The following TTC27 variants were observed in gnomAD, a reference collection of about 807,000 sequenced individuals.
TTC27 encodes tetratricopeptide repeat domain 27.
Under a neutral mutation model 115.9 loss-of-function variants are expected in TTC27, and 79 were observed. The observed-to-expected ratio is 0.68, with a 90% CI of 0.57 to 0.82. The LOEUF is 0.82. Ranked by LOEUF, TTC27 falls within the 40% of genes least tolerant of loss-of-function variation. The pLI is 0.00. For synonymous variants in TTC27, 401 were observed against 356.0 expected, an observed-to-expected ratio of 1.13 and a Z score of -1.42; for missense variants, 1,054 against 993.1, an observed-to-expected ratio of 1.06 and a Z score of -0.82.
chr2:32,638,303 C>T (rs536599236), intron 3 of TTC27, among the ~76,000 whole-genome samples: 2 of 152,234 alleles, frequency 1.3e-5, no homozygotes, highest in African/African-American at 4.8e-5. Flanking sequence ...CTTTATTCCT[C>T]TATTACACTC....
chr2:32,634,306 T>G (rs1304666066), intron 3 of TTC27, among the ~76,000 whole-genome samples: 1 of 152,068 alleles, frequency 6.6e-6, no homozygotes, highest in African/African-American at 2.4e-5. Context: ...AAAGATTTTT[T>G]TTTTTTGAGA....
At chr2:32,647,762 C>T (rs1176117739) in intron 4 of TTC27, among the ~76,000 whole-genome samples, 2 of 152,220 alleles carry the variant, frequency 1.3e-5, no homozygotes, top group Admixed American at 1.3e-4. Flanking sequence ...GGCTTGAGTC[C>T]AGGAGTTCAA....
intron 5 of TTC27, among the ~76,000 whole-genome samples, chr2:32,653,220 A>C (rs1665194394): frequency 6.6e-6 from 1 of 152,186 alleles, no homozygotes; most frequent in South Asian, 2.1e-4. Flanking sequence ...ACTGGGTTAA[A>C]ATACTTTGTC....
At position 32,716,453 on chromosome 2, in the gene TTC27, TC is replaced by T. The variant is rs1388097022; in HGVS notation, c.1233+13534del. 2.6e-5 allele frequency among the ~76,000 whole-genome samples: 4 copies of T among 152,240 alleles called. No individual in the cohort carries two copies. The East Asian group carries it at 7.7e-4, about 29-fold the overall frequency. ...AATTCTGAGTTCATTTTTAGCTATTTCTTTTTTAGTTGTTATTCTAGTGGTT... is the reference window on the plus strand; with the variant it reads ...AATTCTGAGTTCATTTTTAGCTATTTTTTTTTAGTTGTTATTCTAGTGGTT... On this transcript the variant is annotated intron_variant, in intron 10 of 19. Transcript: ENST00000317907.
chr2:32,646,590 C>T (rs1171342590), intron 4 of TTC27, among the ~76,000 whole-genome samples: 1 of 125,314 alleles, frequency 8.0e-6, no homozygotes, highest in African/African-American at 2.9e-5. Flanking sequence ...GACCGACTCT[C>T]ACTCTGTCTG....
intron 16 of TTC27, among the ~76,000 whole-genome samples, chr2:32,794,969 C>A (rs553418702): frequency 6.6e-6 from 1 of 151,900 alleles, no homozygotes; most frequent in African/African-American, 2.4e-5. Flanking sequence ...AAAGAAAAGC[C>A]GTGGACCTGA....
At chr2:32,669,521 A>G (rs1010115816) in intron 7 of TTC27, among the ~76,000 whole-genome samples, 3 of 152,178 alleles carry the variant, frequency 2.0e-5, no homozygotes, top group Non-Finnish European at 4.4e-5. Context: ...TTTAATAACC[A>G]TTTTTCAGGA....
At chr2:32,645,592 A>G (rs1664821392) in intron 4 of TTC27, among the ~76,000 whole-genome samples, 1 of 152,074 alleles carries the variant, frequency 6.6e-6, no homozygotes, top group African/African-American at 2.4e-5. Flanking sequence ...GTACATGTGC[A>G]CAATGTGCAG....
rs144154950 is a variant in TTC27, at chr2:32,687,895, C to G, written c.1119+8973C>G. ...ACCCCTCTGTCAGCAATTGTTAGAA[C>G]AACTTGGCAAACAGCAAGTAAATAC... On this transcript the variant is annotated intron_variant, in intron 9 of 19. Coordinates refer to ENST00000317907, the MANE Select transcript of TTC27 (RefSeq NM_017735.5). Among the ~76,000 whole-genome samples, 79 of 152,230 alleles carry G rather than the reference C, an allele frequency of 5.2e-4. No individual in the cohort carries two copies. The East Asian group carries it at 0.012, about 23-fold the overall frequency.
chr2:32,815,841 T>G (rs1671485524), intron 18 of TTC27, among the ~76,000 whole-genome samples: 1 of 152,202 alleles, frequency 6.6e-6, no homozygotes, highest in Non-Finnish European at 1.5e-5. Flanking sequence ...TTGCTAATTA[T>G]TATGCATCCT....
At chr2:32,807,755 G>A (rs187004612) in intron 16 of TTC27, among the ~76,000 whole-genome samples, 258 of 152,024 alleles carry the variant, frequency 1.7e-3, no homozygotes, top group Non-Finnish European at 3.1e-3. Context: ...TTTGGTTCTG[G>A]ATTATGGTCA....
In TTC27 at chr2:32,760,343, A is replaced by G. The variant is rs548241915; in HGVS notation, c.1680+1824A>G. On this transcript the variant is annotated intron_variant, in intron 13 of 19. Transcript: ENST00000317907. ...TTTTGTTGACAGTTTGCTCTAAGTC[A>G]CTGGGGATGATTTTGTCCCCCAGAG... Among the ~76,000 whole-genome samples, 17 of 152,316 alleles carry G rather than the reference A, an allele frequency of 1.1e-4. No homozygotes were observed. In the East Asian group the frequency reaches 3.3e-3, roughly 29 times the overall value.
intron 12 of TTC27, among the ~76,000 whole-genome samples, chr2:32,746,195 T>A (rs1260946995): frequency 6.6e-6 from 1 of 152,142 alleles, no homozygotes; most frequent in East Asian, 1.9e-4. Flanking sequence ...TTAAATATGT[T>A]TTTTTTGTTT....
chr2:32,656,275 A>G (rs1665312210), intron 5 of TTC27, among the ~76,000 whole-genome samples: 1 of 152,182 alleles, frequency 6.6e-6, no homozygotes, highest in Non-Finnish European at 1.5e-5. Flanking sequence ...TACAGGTAGG[A>G]CAAACAGGTA....
intron 12 of TTC27, among the ~76,000 whole-genome samples, chr2:32,748,529 CA>C (rs1668904266): frequency 6.6e-6 from 1 of 152,112 alleles, no homozygotes; most frequent in Non-Finnish European, 1.5e-5. Flanking sequence ...TTGACATCTC[CA>C]AATATTATTG....
intron 10 of TTC27, among the ~76,000 whole-genome samples, chr2:32,714,156 C>CCCCCGCCT (rs1444561839): frequency 3.1e-4 from 46 of 149,230 alleles, no homozygotes; most frequent in African/African-American, 1.1e-3. Context: ...CACCCCCGCC[C>CCCCCGCCT]CCCCGCCTTT....
intron 16 of TTC27, among the ~76,000 whole-genome samples, chr2:32,803,706 T>C (rs1671036197): frequency 6.6e-6 from 1 of 151,946 alleles, no homozygotes; most frequent in Non-Finnish European, 1.5e-5. Flanking sequence ...ATGAGCTCAG[T>C]ACAAAATAAG....
intron 8 of TTC27, among the ~76,000 whole-genome samples, chr2:32,676,382 CA>C (rs1368950353): frequency 6.6e-6 from 1 of 151,258 alleles, no homozygotes; most frequent in African/African-American, 2.4e-5. Flanking sequence ...AAAATCGGTT[CA>C]TTTAAAAATT....
At position 32,686,005 on chromosome 2, in the gene TTC27, C is replaced by A. The variant is rs1666615975; in HGVS notation, c.1119+7083C>A. 3.3e-5 allele frequency among the ~76,000 whole-genome samples: 5 copies of A among 152,128 alleles called. No individual in the cohort carries two copies. The South Asian group carries it at 1.0e-3, about 32-fold the overall frequency. On this transcript the variant is annotated intron_variant, in intron 9 of 19. Transcript: ENST00000317907. Reference sequence around the variant, plus strand: ...AGCTACTAGAACTAACAAGCAAGTTCTTAGAATACAAGGTCAATATAAAAA... The same window carrying A: ...AGCTACTAGAACTAACAAGCAAGTTATTAGAATACAAGGTCAATATAAAAA...
Sources: allele counts gnomAD v4.1 joint callset (sites outside exome capture counted in the v4.1 genomes callset), GRCh38; gene constraint gnomAD v4.1.1; transcripts MANE v1.5; gene names NCBI Gene and HGNC (gene_info 2026-07-23, HGNC 2026-07-21).